RIN1: variants seen among roughly 807,000 people sequenced by gnomAD.
The protein encoded by RIN1 is ras inhibitor 1.
In RIN1, 52 loss-of-function variants were observed where a neutral mutation model predicts 64.9. The ratio of observed to expected loss-of-function variants is 0.80; its 90% CI spans 0.64 to 1.01. The LOEUF (loss-of-function observed/expected upper bound fraction) is 1.01, where lower values mean the gene tolerates loss of function less well. Ranked by LOEUF, RIN1 falls within the 50% of genes least tolerant of loss-of-function variation. RIN1 has a pLI of 0.00. For synonymous variants in RIN1, 486 were observed against 483.6 expected, an observed-to-expected ratio of 1.00 and a Z score of -0.06; for missense variants, 1,040 against 1,064.5, an observed-to-expected ratio of 0.98 and a Z score of 0.32.
At position 66,331,928 on chromosome 11, in the gene RIN1, AG is replaced by A. The variant is rs1056245093; in HGVS notation, c.*347del. 1.3e-5 allele frequency: 4 copies of A among 310,474 alleles called. No individual in the cohort carries two copies. The highest frequency in any genetic ancestry group is 6.5e-5 in the African/African-American group (3 of 46,398). 19.2% of individuals were successfully genotyped at this position (310,474 alleles called of 1,614,324 possible). On this transcript the variant is annotated 3_prime_UTR_variant, in exon 10 of 10. Transcript: ENST00000311320. ...TGCCTCAGCCATGCCCATGAGGGGAAGGGTAAAAGGAGCTGAGACCGTCACC... is the reference window on the plus strand; with the variant it reads ...TGCCTCAGCCATGCCCATGAGGGGAAGGTAAAAGGAGCTGAGACCGTCACC...
In RIN1 at chr11:66,336,086, C is replaced by T. The variant is rs938851998; in HGVS notation, c.159G>A (p.Gly53=). The T allele has an allele frequency of 4.1e-6, 6 of 1,456,236 alleles. No individual in the cohort carries two copies. The African/African-American group carries it at 7.1e-5, about 17-fold the overall frequency. 90.2% of individuals were successfully genotyped at this position (1,456,236 alleles called of 1,614,324 possible). ...GGCGCTCCCGCAGGCTCACAACGCG[C>T]CCCGGCCGCTGCGGCCCGCCTGCCT... ...GGQAGGPQRP[G]RVVSLRERLL... The change falls in exon 2 of 10, where the codon GGG becomes GGA. Residue 53 remains glycine, a synonymous_variant. Transcript: ENST00000311320.
Position 66,335,644 on chromosome 11 carries a change from G to T in RIN1, c.421C>A (p.Leu141Ile). The change falls in exon 4 of 10, where the codon CTA becomes ATA. Residue 141 changes from leucine (L) to isoleucine (I), a missense_variant. By Grantham distance (5) the Leu-to-Ile change is conservative (BLOSUM62 2). Transcript: ENST00000311320. Reference protein sequence around the residue: ...LEGSELMFPDLVQLICAYCHT... With the variant: ...LEGSELMFPDIVQLICAYCHT... ...CAGTAGGCACAGATGAGCTGGACTA[G>T]GTCTGGGAACATGAGCTCCGAGCCC... 6.2e-7 allele frequency: 1 copy of T among 1,613,804 alleles called. No homozygotes were observed. The highest frequency in any genetic ancestry group is 2.2e-5 in the East Asian group (1 of 44,856).
At position 66,335,000 on chromosome 11, in the gene RIN1, C is replaced by CG. The variant is rs745541114; in HGVS notation, c.798dup (p.Val267ArgfsTer38). 6 of 1,544,280 alleles carry CG rather than the reference C, an allele frequency of 3.9e-6. No individual in the cohort carries two copies. Among genetic ancestry groups the CG allele is most frequent in the South Asian group, 1.3e-5 (1 of 79,786 alleles). On this transcript the variant is annotated frameshift_variant, in exon 6 of 10. Transcript: ENST00000311320. LOFTEE classifies it high-confidence loss of function. ...GGGACTGCCCCTGGCAGCACGGGGA[C>CG]GGGGGGAGGTGGCACGGCAGGTGGA...
rs769472733 is a variant in RIN1, at chr11:66,334,695, C to T, written c.1104G>A (p.Ala368=). ...LAPERQVGRA[A]AALMQDRHTA... is the part of the protein sequence containing the mutation. ...TGTGTCGGTCCTGCATCAGTGCTGC[C>T]GCAGCCCGGCCCACCTGCCGCTCCG... The change falls in exon 6 of 10, where the codon GCG becomes GCA. Residue 368 remains alanine, a synonymous_variant. Transcript: ENST00000311320. 1.4e-5 allele frequency: 22 copies of T among 1,550,100 alleles called. No individual in the cohort carries two copies. In the South Asian group the frequency reaches 1.4e-4, roughly 10 times the overall value.
At chr11:66,335,274 G>C (rs927234935) in intron 5 of RIN1, 23 bp from the exon 6 acceptor site, 7 of 1,563,820 alleles carry the variant, frequency 4.5e-6, no homozygotes, top group Middle Eastern at 1.7e-4. Flanking sequence ...AAACCGACTG[G>C]GGCCTCCGGG....
rs1396096317 is a variant in RIN1, at chr11:66,336,048, C to T, written c.197G>A (p.Arg66Gln). The T allele has an allele frequency of 1.6e-5, 23 of 1,467,532 alleles. No individual in the cohort carries two copies. Among genetic ancestry groups the T allele is most frequent in the Middle Eastern group, 1.9e-4 (1 of 5,250 alleles). The allele number at this position is 1,467,532 out of a possible 1,614,324, so 90.9% of individuals were successfully genotyped here. Residue 66 changes from arginine (R) to glutamine (Q), a missense_variant, in exon 2 of 10, where the codon CGG becomes CAG. Arg to Gln is a conservative substitution (Grantham distance 43). Coordinates refer to ENST00000311320, the MANE Select transcript of RIN1 (RefSeq NM_004292.3). ...GGCTTGCAGCTGCAGCCACACGGGC[C>T]GGGTGAGCAGCAGGCGCTCCCGCAG... ...VSLRERLLLT[R>Q]PVWLQLQANA...
At chr11:66,334,300 G>T in intron 6 of RIN1, 76 bp from the exon 7 acceptor site, 1 of 1,307,614 alleles carries the variant, frequency 7.6e-7, no homozygotes, top group Non-Finnish European at 1.0e-6. Flanking sequence ...AGGGAGCAGG[G>T]GTAGAATCGG....
At chr11:66,334,464 C>T (rs1477023315) in intron 6 of RIN1, 50 bp downstream of exon 6, 2 of 1,579,632 alleles carry the variant, frequency 1.3e-6, no homozygotes, top group Non-Finnish European at 8.6e-7. Flanking sequence ...TGGAGGGGAG[C>T]AGAGGGTCGG....
chr11:66,333,967 GC>G lies in RIN1; in HGVS notation c.1542del (p.Leu515SerfsTer12). 6.4e-7 allele frequency: 1 copy of G among 1,558,280 alleles called. No homozygotes were observed. Among genetic ancestry groups the G allele is most frequent in the East Asian group, 2.4e-5 (1 of 42,316 alleles). Reference protein sequence around the residue: ...RTYSPSAQVKRLLQACKLLYM... With the variant: ...RTYSPSAQVKXLLQACKLLYM... ...TAGAGCAGCTTGCAGGCCTGCAGGA[GC>G]CGCTTGACCTGGGCGCTGGGTGAGT... On this transcript the variant is annotated frameshift_variant, in exon 7 of 10. Transcript: ENST00000311320. LOFTEE classifies it high-confidence loss of function.
intron 7 of RIN1, 54 bp downstream of exon 7, chr11:66,333,865 G>A (rs1280053236): frequency 9.6e-6 from 14 of 1,461,774 alleles, no homozygotes; most frequent in African/African-American, 2.9e-5. Flanking sequence ...CCGCTGGGGG[G>A]CCCGCCTCTG....
At position 66,333,326 on chromosome 11, in the gene RIN1, C is replaced by CGG. The variant is rs567305421; in HGVS notation, c.1805_1806dup (p.Val603ProfsTer29). The CGG allele has an allele frequency of 2.5e-6, 4 of 1,613,156 alleles. No individual in the cohort carries two copies. In the East Asian group the frequency reaches 8.9e-5, roughly 36 times the overall value. ...CTGAGGGAGCGCCGTAGCTCCTGCA[C>CGG]GGGGCTCAGTGGGAGGGTGTGGGCC... On this transcript the variant is annotated frameshift_variant, in exon 9 of 10. Coordinates refer to ENST00000311320, the MANE Select transcript of RIN1 (RefSeq NM_004292.3). LOFTEE classifies it high-confidence loss of function.
At position 66,334,768 on chromosome 11, in the gene RIN1, C is replaced by T. The variant is rs779921706; in HGVS notation, c.1031G>A (p.Arg344Gln). The T allele has an allele frequency of 6.5e-6, 10 of 1,548,764 alleles. No individual in the cohort carries two copies. Among genetic ancestry groups the T allele is most frequent in the South Asian group, 3.6e-5 (3 of 84,198 alleles). Residue 344 changes from arginine to glutamine, a missense_variant, in exon 6 of 10, where the codon CGA becomes CAA. By Grantham distance (43) the Arg-to-Gln change is conservative (BLOSUM62 1). Coordinates refer to ENST00000311320, the MANE Select transcript of RIN1 (RefSeq NM_004292.3). ...GGCGCTCATGGACCGAAGCAGAGGT[C>T]GTCGGCGGCCCAGGTGGGGTGAGGT... ...PATSPHLGRR[R>Q]PLLRSMSAAF...
Position 66,331,870 on chromosome 11 carries a change from C to CCCAA in RIN1, c.*405_*406insTTGG. 4.2e-6 allele frequency: 1 copy of CCCAA among 238,862 alleles called. No homozygotes were observed. The highest frequency in any genetic ancestry group is 8.2e-6 in the Non-Finnish European group (1 of 121,854). 14.8% of individuals were successfully genotyped at this position (238,862 alleles called of 1,614,324 possible). A position where few individuals can be genotyped will look rare whatever the true frequency, so the allele number is the denominator to read the frequency against. ...TTGGAACCTTTTAGGGTCTGGAAGT[C>CCCAA]CCAGCCTGGTGGGAGATACTTGGGT... On this transcript the variant is annotated 3_prime_UTR_variant, in exon 10 of 10. Transcript: ENST00000311320.
chr11:66,333,094 G>T, intron 9 of RIN1, 164 bp downstream of exon 9: 1 of 784,936 alleles, frequency 1.3e-6, no homozygotes, highest in Non-Finnish European at 2.0e-6. Context: ...AGAAAACTGA[G>T]GCACGAAGTA....
intron 7 of RIN1, 29 bp downstream of exon 7, chr11:66,333,890 G>T (rs1316624617): frequency 6.7e-7 from 1 of 1,494,014 alleles, no homozygotes; most frequent in East Asian, 2.5e-5. Flanking sequence ...AAAGGGGCAG[G>T]GCAGGGTGAG....
In RIN1 at chr11:66,331,981, G is replaced by T; in HGVS notation, c.*295C>A. 2.1e-6 allele frequency: 1 copy of T among 480,374 alleles called. No individual in the cohort carries two copies. The highest frequency in any genetic ancestry group is 2.7e-5 in the South Asian group (1 of 36,806). The allele number at this position is 480,374 out of a possible 1,614,324, so 29.8% of individuals were successfully genotyped here. A position where few individuals can be genotyped will look rare whatever the true frequency, so the allele number is the denominator to read the frequency against. ...TCCCCACGTCAGAGGTTGGGCATCT[G>T]TCGGATTCGCCCCCACTTGGCACAC... On this transcript the variant is annotated 3_prime_UTR_variant, in exon 10 of 10. Transcript: ENST00000311320.
At chr11:66,335,713 T>TG in intron 3 of RIN1, 31 bp from the exon 4 acceptor site, 4 of 1,612,196 alleles carry the variant, frequency 2.5e-6, no homozygotes, top group Non-Finnish European at 3.4e-6. Context: ...GGTGCTTCTC[T>TG]GGGGAACCTC....
At position 66,334,520 on chromosome 11, in the gene RIN1, T is replaced by C; in HGVS notation, c.1279A>G (p.Arg427Gly). The C allele has an allele frequency of 6.3e-7, 1 of 1,596,466 alleles. No homozygotes were observed. The highest frequency in any genetic ancestry group is 8.5e-7 in the Non-Finnish European group (1 of 1,172,996). Residue 427 changes from arginine (R) to glycine (G), a missense_variant, in exon 6 of 10, where the codon AGG (arginine) becomes GGG (glycine). Transcript: ENST00000311320. Reference sequence around the variant, plus strand: ...TGGAGAGACGGAGCCTCACCCAGCCTCTTAGGCGACAGCAGCTTCTCAGGG... The same window carrying C: ...TGGAGAGACGGAGCCTCACCCAGCCCCTTAGGCGACAGCAGCTTCTCAGGG... Reference protein sequence around the residue: ...LGPEKLLSPKRLEHVLEKSLH... With the variant: ...LGPEKLLSPKGLEHVLEKSLH...
intron 1 of RIN1, 48 bp downstream of exon 1, chr11:66,336,269 T>C (rs1483965146): frequency 9.0e-6 from 14 of 1,549,582 alleles, no homozygotes; most frequent in Admixed American, 1.9e-5. Flanking sequence ...GGCCCTCCTC[T>C]CGCAGCCCCT....
Sources: gnomAD v4.1 joint callset for allele counts on GRCh38, gnomAD v4.1.1 for gene constraint, MANE v1.5 for transcripts, NCBI Gene and HGNC (gene_info 2026-07-23, HGNC 2026-07-21) for gene names.